Variants in FDFT1 observed in about 807,000 individuals in gnomAD.
FDFT1 encodes squalene synthase.
In FDFT1, 68 loss-of-function variants were observed where a neutral mutation model predicts 46.8. The ratio of observed to expected loss-of-function variants is 1.45; its 90% CI spans 1.19 to 1.78. FDFT1 has a LOEUF of 1.78. Ranked by LOEUF, FDFT1 falls within the 40% of genes most tolerant of loss-of-function variation. The pLI, the probability that FDFT1 is intolerant of heterozygous loss-of-function variation, is 0.00. For missense variants in FDFT1, 928 were observed against 524.4 expected (o/e 1.77, Z -7.52); for synonymous variants, 351 against 185.1 (o/e 1.90, Z -7.28).
intron 5 of FDFT1, 30 bp from the exon 6 acceptor site, chr8:11,830,214 A>G: frequency 6.4e-7 from 1 of 1,572,528 alleles, no homozygotes; most frequent in South Asian, 1.1e-5. Context: ...GCACACGCTG[A>G]CCTGTTCCTT....
chr8:11,802,543 G>A (rs1806252086), upstream of FDFT1: 2 of 573,368 alleles, frequency 3.5e-6, no homozygotes, highest in East Asian at 7.9e-5. Context: ...AGCTTCTAGA[G>A]TGTTATCACG....
rs1005684293 is a variant in FDFT1, at chr8:11,815,263, C to A, written c.381+5413C>A. ...ATGTGCCACATTTTCTTTATTCAGT[C>A]TATTATTGATGGACATTTGGGTTGG... On this transcript the variant is annotated intron_variant, in intron 3 of 7. Transcript: ENST00000220584. Among the ~76,000 whole-genome samples, 3 of 152,078 alleles carry A rather than the reference C, an allele frequency of 2.0e-5. No individual in the cohort carries two copies. In the East Asian group the frequency reaches 5.8e-4, roughly 29 times the overall value.
chr8:11,816,347 G>T (rs1808446927), intron 3 of FDFT1, among the ~76,000 whole-genome samples: 2 of 152,176 alleles, frequency 1.3e-5, no homozygotes, highest in Non-Finnish European at 2.9e-5. Flanking sequence ...TCTTGGCTAT[G>T]CAGGCTCTTT....
In FDFT1 at chr8:11,803,191, C is replaced by G. The variant is rs1043478227; in HGVS notation, c.99+260C>G. The G allele has an allele frequency of 5.3e-5, 75 of 1,406,584 alleles. No individual in the cohort carries two copies. In the East Asian group the frequency reaches 1.4e-3, roughly 27 times the overall value. 87.1% of individuals were successfully genotyped at this position (1,406,584 alleles called of 1,614,324 possible). ...CGTGGTTCCCGGTGGTTGCGCTCCC[C>G]GTTTCGTCCCCTCCGTGAGCATCGG... On this transcript the variant is annotated intron_variant, in intron 1 of 7. Coordinates refer to ENST00000220584, the MANE Select transcript of FDFT1 (RefSeq NM_004462.5).
rs1267287144 is a variant in FDFT1 at position 11,809,724 on chromosome 8, C to G, written c.255C>G (p.Asp85Glu). ...GAGCTCTGGACACACTGGAAGATGA[C>G]ATGACCATCAGTGTGGAAAAGAAGG... ...VLRALDTLED[D>E]MTISVEKKVP... is the part of the protein sequence containing the mutation. Residue 85 changes from aspartate to glutamate, a missense_variant, in exon 3 of 8, where the codon GAC becomes GAG. Coordinates refer to ENST00000220584, the MANE Select transcript of FDFT1 (RefSeq NM_004462.5). 1 of 1,614,118 alleles carries G rather than the reference C, an allele frequency of 6.2e-7. No individual in the cohort carries two copies. Among genetic ancestry groups the G allele is most frequent in the South Asian group, 1.1e-5 (1 of 91,086 alleles).
At chr8:11,824,075 C>T (rs1585956291) in intron 4 of FDFT1, among the ~76,000 whole-genome samples, 1 of 152,186 alleles carries the variant, frequency 6.6e-6, no homozygotes, top group South Asian at 2.1e-4. Flanking sequence ...GTTGGCCAGG[C>T]TGGTCTAAAA....
chr8:11,799,389 AAAG>A (rs1053240427), upstream of FDFT1, among the ~76,000 whole-genome samples: 40 of 152,368 alleles, frequency 2.6e-4, no homozygotes, highest in African/African-American at 7.9e-4. Context: ...TGCTGGAGAA[AAAG>A]AAGAGCCCTG....
intron 3 of FDFT1, among the ~76,000 whole-genome samples, chr8:11,816,787 T>C (rs1004795919): frequency 6.6e-6 from 1 of 152,214 alleles, no homozygotes; most frequent in Non-Finnish European, 1.5e-5. Flanking sequence ...GATGGGGTTT[T>C]CTAAATATAC....
intron 1 of FDFT1, 56 bp from the exon 2 acceptor site, chr8:11,808,735 CCCA>C (rs546829075): frequency 5.7e-6 from 9 of 1,569,752 alleles, no homozygotes; most frequent in East Asian, 2.3e-5. Flanking sequence ...CACTCCCACT[CCCA>C]CTCCCACTCC....
intron 6 of FDFT1, 73 bp downstream of exon 6, chr8:11,830,493 G>C (rs1258673582): frequency 1.8e-6 from 2 of 1,086,372 alleles, no homozygotes; most frequent in Non-Finnish European, 1.4e-6. Flanking sequence ...GGATTTTGCT[G>C]TGCTATATTC....
rs986467732 is a variant in FDFT1 at position 11,808,325 on chromosome 8, G to A, written c.100-469G>A. ...AGCGGCCAGTGGGTTCTGGTGAGAA[G>A]GGCAACAGCGGGAGGAGGCGCCGGT... On this transcript the variant is annotated intron_variant, in intron 1 of 7. Transcript: ENST00000220584. The A allele has an allele frequency of 5.7e-6, 7 of 1,233,620 alleles. No individual in the cohort carries two copies. The African/African-American group carries it at 9.3e-5, about 16-fold the overall frequency. The allele number at this position is 1,233,620 out of a possible 1,614,324, so 76.4% of individuals were successfully genotyped here. A position where few individuals can be genotyped will look rare whatever the true frequency, so the allele number is the denominator to read the frequency against.
intron 1 of FDFT1, 55 bp downstream of exon 1, chr8:11,802,986 C>G: frequency 6.4e-7 from 1 of 1,551,078 alleles, no homozygotes; most frequent in South Asian, 1.2e-5. Flanking sequence ...CTGGGCCGGC[C>G]TCAGGGCCTG....
chr8:11,819,376 T>G (rs1277927243), intron 3 of FDFT1, among the ~76,000 whole-genome samples: 3 of 152,232 alleles, frequency 2.0e-5, no homozygotes, highest in Non-Finnish European at 4.4e-5. Flanking sequence ...CTGTATTTCC[T>G]GAATTTGAAT....
At chr8:11,802,516 T>C (rs1806246998), upstream of FDFT1, 2 of 521,276 alleles carry the variant, frequency 3.8e-6, no homozygotes, top group Admixed American at 2.3e-5. Context: ...CGTCGGCCTC[T>C]TTCTCGGCCT....
chr8:11,807,083 C>G (rs572812757), intron 1 of FDFT1, among the ~76,000 whole-genome samples: 1 of 117,350 alleles, frequency 8.5e-6, no homozygotes, highest in Non-Finnish European at 2.0e-5. Flanking sequence ...TTCACTGTTA[C>G]CATTCTGAAG....
At chr8:11,822,698 C>T (rs1585948509) in intron 4 of FDFT1, among the ~76,000 whole-genome samples, 1 of 152,112 alleles carries the variant, frequency 6.6e-6, no homozygotes, top group Admixed American at 6.6e-5. Context: ...CCTGTGGTCC[C>T]AGCTACTCTG....
intron 5 of FDFT1, among the ~76,000 whole-genome samples, chr8:11,827,239 G>A (rs916980921): frequency 1.8e-4 from 28 of 152,158 alleles, no homozygotes; most frequent in African/African-American, 6.8e-4. Flanking sequence ...GCTGAGGCCA[G>A]GAGTTCAAGA....
chr8:11,811,815 T>G (rs1308125981), intron 3 of FDFT1, among the ~76,000 whole-genome samples: 1 of 152,178 alleles, frequency 6.6e-6, no homozygotes, highest in Admixed American at 6.5e-5. Context: ...ATGTACTAAG[T>G]TGTGTGTTTT....
At chr8:11,801,178 G>C (rs1022487264), upstream of FDFT1, among the ~76,000 whole-genome samples, 3 of 152,162 alleles carry the variant, frequency 2.0e-5, no homozygotes, top group Non-Finnish European at 4.4e-5. Context: ...AAGTCCTAGG[G>C]CCAGAGAAAG....
Sources: gnomAD v4.1 joint callset for allele counts (sites outside exome capture counted in the v4.1 genomes callset) on GRCh38, gnomAD v4.1.1 for gene constraint, MANE v1.5 for transcripts, NCBI Gene and HGNC (gene_info 2026-07-23, HGNC 2026-07-21) for gene names.